The following TTLL1 variants were observed in gnomAD, a reference collection of about 807,000 sequenced individuals.
The protein encoded by TTLL1 is TTL family tubulin polyglutamylase complex subunit L1.
A neutral mutation model predicts 47.8 loss-of-function variants in TTLL1; 33 were observed. That is an observed-to-expected ratio of 0.69 (90% CI 0.52 to 0.92). The LOEUF is 0.92. Among genes scored for constraint, TTLL1 ranks in the 40% least tolerant of loss-of-function variants. TTLL1 has a pLI of 0.00. For missense variants in TTLL1, 488 were observed against 547.5 expected, an observed-to-expected ratio of 0.89 and a Z score of 1.08; for synonymous variants, 225 against 214.1, an observed-to-expected ratio of 1.05 and a Z score of -0.45.
chr22:43,056,724 G>C (rs1039127536), intron 8 of TTLL1, among the ~76,000 whole-genome samples: 2 of 151,864 alleles, frequency 1.3e-5, no homozygotes, highest in African/African-American at 4.8e-5. Flanking sequence ...GGTGGAGGTT[G>C]CTAGGAGCCA....
intron 1 of TTLL1, among the ~76,000 whole-genome samples, chr22:43,086,573 G>A (rs942076634): frequency 6.6e-6 from 1 of 152,180 alleles, no homozygotes; most frequent in Non-Finnish European, 1.5e-5. Flanking sequence ...GAGCCCAGAT[G>A]GGGGCGAGGA....
intron 8 of TTLL1, among the ~76,000 whole-genome samples, chr22:43,056,478 T>C (rs1927019339): frequency 6.7e-6 from 1 of 148,478 alleles, no homozygotes; most frequent in African/African-American, 2.5e-5. Flanking sequence ...TTTTTTTTTT[T>C]TTTTTTTTAA....
Position 43,075,460 on chromosome 22 carries a change from C to T in TTLL1, c.113+14G>A, listed in dbSNP as rs1928420456. The T allele has an allele frequency of 3.1e-6, 5 of 1,607,820 alleles. No homozygotes were observed. The highest frequency in any genetic ancestry group is 1.3e-5 in the African/African-American group (1 of 74,832). ...GCCTCAGAGAAACAACCCAGCCCTG[C>T]TGTGTATGCTTACCAGTAAAAATTC... On this transcript the variant is annotated intron_variant, in intron 3 of 10. Transcript: ENST00000266254.
intron 8 of TTLL1, among the ~76,000 whole-genome samples, chr22:43,056,906 C>T (rs1927053723): frequency 6.6e-6 from 1 of 152,188 alleles, no homozygotes; most frequent in Admixed American, 6.5e-5. Flanking sequence ...AATCCTCCCA[C>T]CTCACCCTTC....
At chr22:43,051,671 G>C in intron 9 of TTLL1, 130 bp downstream of exon 9, 1 of 867,530 alleles carries the variant, frequency 1.2e-6, no homozygotes. Context: ...AATCAAACTC[G>C]AACATCAGTC....
intron 2 of TTLL1, among the ~76,000 whole-genome samples, chr22:43,076,189 C>T (rs58851481): frequency 0.01 from 1,582 of 152,338 alleles, 20 homozygotes; most frequent in African/African-American, 0.037. Context: ...GGCGTGGTGG[C>T]TCATGCCTGT....
chr22:43,040,168 C>T, intron 10 of TTLL1: 1 of 370,194 alleles, frequency 2.7e-6, no homozygotes, highest in South Asian at 3.3e-5. Flanking sequence ...GGACAGTGGT[C>T]TCCCCTCGGA....
chr22:43,077,301 G>A (rs1312322116), intron 2 of TTLL1, among the ~76,000 whole-genome samples: 1 of 152,082 alleles, frequency 6.6e-6, no homozygotes, highest in Admixed American at 6.6e-5. Context: ...CGCACACACT[G>A]GGCCCCTCCG....
At position 43,068,431 on chromosome 22, in the gene TTLL1, G is replaced by A; in HGVS notation, c.482C>T (p.Ser161Phe). The change falls in exon 5 of 11, where the codon TCC becomes TTC. Residue 161 changes from serine (S) to phenylalanine (F), a missense_variant. Transcript: ENST00000266254. ...TTACGAAGATGTCTTGCTGTCCCGG[G>A]ACCACTTTTTGATCTGTGAGAGCTT... ...INKLSQIKKW[S>F]RDSKTSSFVS... 1 of 1,540,136 alleles carries A rather than the reference G, an allele frequency of 6.5e-7. No homozygotes were observed. Among genetic ancestry groups the A allele is most frequent in the East Asian group, 2.3e-5 (1 of 43,150 alleles).
At position 43,039,819 on chromosome 22, in the gene TTLL1, C is replaced by T. The variant is rs779665055; in HGVS notation, c.1229G>A (p.Arg410Gln). The T allele has an allele frequency of 8.7e-6, 14 of 1,613,808 alleles. No individual in the cohort carries two copies. The highest frequency in any genetic ancestry group is 3.3e-5 in the Admixed American group (2 of 59,996). The change falls in exon 11 of 11, where the codon CGA becomes CAA. Residue 410 changes from arginine (R) to glutamine (Q), a missense_variant. Transcript: ENST00000266254. ...GACCGCTCTCCCCGAGTCTCTCGAT[C>T]GGCCTGCTCTGGGCCCCAGAGACTG... ...QGQSLGPRAG[R>Q]SRDSGRAVLT...
At chr22:43,062,627 C>G (rs757200880) in intron 7 of TTLL1, among the ~76,000 whole-genome samples, 1 of 152,018 alleles carries the variant, frequency 6.6e-6, no homozygotes, top group African/African-American at 2.4e-5. Flanking sequence ...AAAATGAGTT[C>G]GAGACCAGCC....
At chr22:43,064,410 G>T in intron 5 of TTLL1, 86 bp from the exon 6 acceptor site, 1 of 1,453,966 alleles carries the variant, frequency 6.9e-7, no homozygotes, top group Non-Finnish European at 9.3e-7. Context: ...CTGATAAGCC[G>T]GACTTCATTA....
chr22:43,077,919 C>A (rs2146989392), intron 2 of TTLL1, among the ~76,000 whole-genome samples: 1 of 152,190 alleles, frequency 6.6e-6, no homozygotes. Context: ...CCAGCCTGGG[C>A]AACATGGCAA....
intron 3 of TTLL1, among the ~76,000 whole-genome samples, chr22:43,072,926 T>C (rs1928223011): frequency 6.6e-6 from 1 of 152,160 alleles, no homozygotes; most frequent in Non-Finnish European, 1.5e-5. Flanking sequence ...CTGCCACAAA[T>C]TGGGTATGTG....
At position 43,067,429 on chromosome 22, in the gene TTLL1, G is replaced by A. The variant is rs143565002; in HGVS notation, c.503+981C>T. On this transcript the variant is annotated intron_variant, in intron 5 of 10. Coordinates refer to ENST00000266254, the MANE Select transcript of TTLL1 (RefSeq NM_012263.5). ...TTCAAACCCAGGACCCTAGGGCCAC[G>A]AGTCCCAGGACTTTGGCAGGTGCCT... Among the ~76,000 whole-genome samples, 350 of 152,312 alleles carry A rather than the reference G, an allele frequency of 2.3e-3. 3 individuals are homozygous for A. Among genetic ancestry groups the A allele is most frequent in the African/African-American group, 7.9e-3 (327 of 41,564 alleles).
rs1322694364 is a variant in TTLL1, at chr22:43,050,054, G to A, written c.978+1747C>T. On this transcript the variant is annotated intron_variant, in intron 9 of 10. Coordinates refer to ENST00000266254, the MANE Select transcript of TTLL1 (RefSeq NM_012263.5). Reference sequence around the variant, plus strand: ...GGGGGTTGCAGTGAGCCGAGATTGCGCCATTGCTCTCCAGCCTAGGCGACA... The same window carrying A: ...GGGGGTTGCAGTGAGCCGAGATTGCACCATTGCTCTCCAGCCTAGGCGACA... Among the ~76,000 whole-genome samples, 6 of 151,668 alleles carry A rather than the reference G, an allele frequency of 4.0e-5. No homozygotes were observed. In the South Asian group the frequency reaches 6.2e-4, roughly 16 times the overall value.
chr22:43,073,136 C>G (rs892186363), intron 3 of TTLL1, among the ~76,000 whole-genome samples: 2 of 151,286 alleles, frequency 1.3e-5, no homozygotes, highest in Non-Finnish European at 2.9e-5. Context: ...CTGCCTCAGC[C>G]TCTCAAGTAG....
chr22:43,074,770 T>C (rs770336270), intron 3 of TTLL1, among the ~76,000 whole-genome samples: 3 of 152,172 alleles, frequency 2.0e-5, no homozygotes, highest in Admixed American at 6.6e-5. Flanking sequence ...CCGGACATGG[T>C]GGCTCATGCC....
At chr22:43,040,106 C>A in intron 10 of TTLL1, 3 of 595,980 alleles carry the variant, frequency 5.0e-6, no homozygotes, top group Non-Finnish European at 2.9e-6. Flanking sequence ...CGCAGCCCAG[C>A]AAATGCTCCC....
Sources: allele counts gnomAD v4.1 joint callset (sites outside exome capture counted in the v4.1 genomes callset), GRCh38; gene constraint gnomAD v4.1.1; transcripts MANE v1.5; gene names NCBI Gene and HGNC (gene_info 2026-07-23, HGNC 2026-07-21).